Variants in MADD observed in about 807,000 individuals in gnomAD.
The protein encoded by MADD is MAP kinase activating death domain, also known as MAP kinase-activating death domain protein.
MADD carries 109 observed loss-of-function variants against 176.7 expected under a neutral mutation model. The observed-to-expected ratio is 0.62, with a 90% confidence interval of 0.53 to 0.72. The LOEUF is 0.72. Ranked by LOEUF, MADD falls within the 30% of genes least tolerant of loss-of-function variation. MADD has a pLI of 0.00. For missense variants in MADD, 1,914 were observed against 2,045.5 expected, an observed-to-expected ratio of 0.94 and a Z score of 1.24; for synonymous variants, 771 against 771.3, an observed-to-expected ratio of 1.00 and a Z score of 0.01.
chr11:47,273,853 GA>G lies in MADD; in HGVS notation c.-60del, dbSNP rs1188243844. 2 of 1,426,196 alleles carry G rather than the reference GA, an allele frequency of 1.4e-6. No individual in the cohort carries two copies. Among genetic ancestry groups the G allele is most frequent in the African/African-American group, 2.8e-5 (2 of 71,252 alleles). The allele number at this position is 1,426,196 out of a possible 1,614,324, so 88.3% of individuals were successfully genotyped here. On this transcript the variant is annotated 5_prime_UTR_variant, in exon 2 of 33. It adds an upstream start codon to the 5' untranslated region. Transcript: ENST00000402192. ...CTTCGATTTTCAGAATTCCTCCTGG[GA>G]ATGCTGACTCCTTGCTTGGTGCCCT... is the stretch of plus-strand genomic sequence containing the variant.
chr11:47,282,443 G>A (rs2057654418), exon 9 of MADD: 3 of 1,614,160 alleles, frequency 1.9e-6, no homozygotes, highest in Non-Finnish European at 2.5e-6. Flanking sequence ...ATGCACACGC[G>A]TACCCTGCGC....
At chr11:47,276,325 C>T in intron 4 of MADD, 123 bp downstream of exon 4, 1 of 911,870 alleles carries the variant, frequency 1.1e-6, no homozygotes, top group Non-Finnish European at 1.6e-6. Context: ...CAGGAGGTAA[C>T]ATGATGCCTG....
chr11:47,278,012 A>C (rs2052145788), intron 5 of MADD, among the ~76,000 whole-genome samples, 153 bp from the exon 6 acceptor site: 1 of 152,270 alleles, frequency 6.6e-6, no homozygotes, highest in African/African-American at 2.4e-5. Context: ...CTTTCAAAAA[A>C]TCTGAAAAAT....
intron 25 of MADD, among the ~76,000 whole-genome samples, chr11:47,310,161 G>GTATT (rs777272475): frequency 1.2e-4 from 18 of 149,888 alleles, no homozygotes; most frequent in East Asian, 4.0e-4. Flanking sequence ...TGATTCCATA[G>GTATT]TATTTATTTA....
chr11:47,277,551 C>T (rs2051414774), intron 5 of MADD, among the ~76,000 whole-genome samples: 1 of 152,238 alleles, frequency 6.6e-6, no homozygotes, highest in South Asian at 2.1e-4. Flanking sequence ...CCTGCCTCAG[C>T]CTCCCAAAGT....
intron 31 of MADD, chr11:47,327,807 C>T (rs2095619552): frequency 2.0e-6 from 2 of 985,318 alleles, no homozygotes; most frequent in African/African-American, 3.5e-5. Flanking sequence ...CCTTTTCTGG[C>T]CCCCAGGGAG....
At chr11:47,294,426 G>A (rs2068599357) in intron 20 of MADD, among the ~76,000 whole-genome samples, 1 of 151,646 alleles carries the variant, frequency 6.6e-6, no homozygotes, top group Non-Finnish European at 1.5e-5. Context: ...GACTTTGGGA[G>A]GCCGAGGCAG....
At chr11:47,308,887 T>G in intron 23 of MADD, 93 bp from the exon 26 acceptor site, 2 of 1,254,114 alleles carry the variant, frequency 1.6e-6, no homozygotes, top group Non-Finnish European at 2.3e-6. Flanking sequence ...CTGGACAAGA[T>G]TGGGTTTTGG....
At chr11:47,289,906 G>A in exon 17 of MADD, 1 of 1,614,114 alleles carries the variant, frequency 6.2e-7, no homozygotes, top group Non-Finnish European at 8.5e-7. Flanking sequence ...TGCACAGCGT[G>A]CTGGACGGCC....
chr11:47,328,994 T>G (rs1194118636), intron 32 of MADD, 52 bp from the exon 37 acceptor site: 11 of 1,407,176 alleles, frequency 7.8e-6, no homozygotes, highest in African/African-American at 1.4e-5. Flanking sequence ...CCTTCACATA[T>G]GGAGATGGAG....
intron 22 of MADD, among the ~76,000 whole-genome samples, chr11:47,302,324 C>T (rs766294836): frequency 2.1e-4 from 32 of 152,148 alleles, no homozygotes; most frequent in Non-Finnish European, 3.7e-4. Context: ...AGCGATTCTC[C>T]TGCCTCAGCC....
Position 47,290,717 on chromosome 11 carries a change from G to A in MADD, c.3202G>A (p.Val1068Ile), listed in dbSNP as rs1222957874. The A allele has an allele frequency of 1.9e-6, 3 of 1,614,156 alleles. No homozygotes were observed. In the Admixed American group the frequency reaches 5.0e-5, roughly 27 times the overall value. The change falls in exon 19 of 33, where the codon GTT becomes ATT. Residue 1068 changes from valine to isoleucine, a missense_variant. By Grantham distance (29) the Val-to-Ile change is conservative. Around this residue, in one of 2 missense-constraint regions of MADD, gnomAD observed 1,767 missense variants for 1,836.0 expected, o/e 0.96. Transcript: ENST00000402192. ...CCCAAAGGCTATGGCACAACTGAGA[G>A]TTCCACAACTGGGACCTCGGGCACC...
At chr11:47,295,999 C>T (rs377146494) in exon 22 of MADD, 21 of 1,613,954 alleles carry the variant, frequency 1.3e-5, no homozygotes, top group East Asian at 4.5e-5. Flanking sequence ...GGCAAGCTCT[C>T]GGGGCACTTT....
At chr11:47,278,136 G>A in intron 5 of MADD, 29 bp from the exon 6 acceptor site, 1 of 1,480,242 alleles carries the variant, frequency 6.8e-7, no homozygotes, top group Non-Finnish European at 9.4e-7. Context: ...TTTTGTCTTT[G>A]TTTCTCACCT....
chr11:47,318,161 A>G (rs967617857), intron 27 of MADD, among the ~76,000 whole-genome samples: 1 of 152,178 alleles, frequency 6.6e-6, no homozygotes, highest in African/African-American at 2.4e-5. Context: ...CAGGATTATA[A>G]AGGAAATTGG....
At chr11:47,297,679 T>A (rs2073918394) in intron 22 of MADD, among the ~76,000 whole-genome samples, 1 of 150,988 alleles carries the variant, frequency 6.6e-6, no homozygotes, top group Admixed American at 6.6e-5. Flanking sequence ...ATCTCCTGAC[T>A]TCGTGATCTG....
intron 1 of MADD, chr11:47,270,937 GAT>G (rs888060848): frequency 2.0e-5 from 3 of 152,274 alleles, no homozygotes; most frequent in Non-Finnish European, 2.9e-5. Context: ...CGTCAGCAGA[GAT>G]GTCATATCGC....
At chr11:47,319,781 A>G (rs1486796729) in intron 27 of MADD, among the ~76,000 whole-genome samples, 1 of 151,978 alleles carries the variant, frequency 6.6e-6, no homozygotes, top group Non-Finnish European at 1.5e-5. Context: ...ACTTGAGGTC[A>G]GGAGTTCCAG....
At chr11:47,275,488 G>A (rs1189349077) in intron 3 of MADD, among the ~76,000 whole-genome samples, 14 of 152,094 alleles carry the variant, frequency 9.2e-5, no homozygotes, top group Admixed American at 7.9e-4. Context: ...ACAAGGTTTC[G>A]CCATGTTGGC....
Sources: allele counts gnomAD v4.1 joint callset (sites outside exome capture counted in the v4.1 genomes callset), GRCh38; gene constraint gnomAD v4.1.1; regional missense constraint gnomAD v4.1.1; transcripts MANE v1.5; gene names NCBI Gene and HGNC (gene_info 2026-07-23, HGNC 2026-07-21).